The following SNORC variants were observed in gnomAD, a reference collection of about 807,000 sequenced individuals.
SNORC encodes protein SNORC.
SNORC carries 11 observed loss-of-function variants against 9.7 expected under a neutral mutation model. That is an observed-to-expected ratio of 1.14 (90% CI 0.72 to 1.88). SNORC has a LOEUF of 1.88. Ranked by LOEUF, SNORC falls within the 40% of genes most tolerant of loss-of-function variation. SNORC has a pLI of 0.00. For synonymous variants in SNORC, 108 were observed against 88.7 expected, an observed-to-expected ratio of 1.22 and a Z score of -1.22; for missense variants, 197 against 173.1, an observed-to-expected ratio of 1.14 and a Z score of -0.77.
At chr2:232,866,500 C>T (rs922906991), upstream of SNORC, among the ~76,000 whole-genome samples, 9 of 152,182 alleles carry the variant, frequency 5.9e-5, no homozygotes, top group Non-Finnish European at 1.3e-4. Flanking sequence ...TTTTGTGGAC[C>T]TGCACTCAAT....
At position 232,873,197 on chromosome 2, in the gene SNORC, G is replaced by A. The variant is rs371250514; in HGVS notation, c.74-2743G>A. 1.3e-4 allele frequency among the ~76,000 whole-genome samples: 20 copies of A among 152,338 alleles called. 1 individual carries two copies. In the South Asian group the frequency reaches 4.1e-3, roughly 32 times the overall value. On this transcript the variant is annotated intron_variant, in intron 1 of 2. Transcript: ENST00000331342. ...GCTTGACAGCATAGTCTGAACCCCCGTCTTACAGGTCAGGAAGGTGGATTG... is the reference window on the plus strand; with the variant it reads ...GCTTGACAGCATAGTCTGAACCCCCATCTTACAGGTCAGGAAGGTGGATTG...
At chr2:232,875,797 C>A in intron 1 of SNORC, 143 bp from the exon 2 acceptor site, 1 of 905,430 alleles carries the variant, frequency 1.1e-6, no homozygotes, top group Non-Finnish European at 1.6e-6. Context: ...GCTTCTTAGC[C>A]TGGGAAATGT....
At chr2:232,870,770 G>A (rs2106187907) in intron 1 of SNORC, among the ~76,000 whole-genome samples, 1 of 152,238 alleles carries the variant, frequency 6.6e-6, no homozygotes, top group African/African-American at 2.4e-5. Flanking sequence ...CACAGGACAA[G>A]CAGCTGAGGG....
chr2:232,868,460 G>T (rs371115645), upstream of SNORC, among the ~76,000 whole-genome samples: 9 of 152,212 alleles, frequency 5.9e-5, no homozygotes, highest in African/African-American at 1.9e-4. Flanking sequence ...CTGCCGCTTG[G>T]CCTCTGCTAC....
intron 1 of SNORC, 94 bp from the exon 2 acceptor site, chr2:232,875,846 G>GCGCTAC: frequency 7.5e-7 from 1 of 1,326,694 alleles, no homozygotes; most frequent in South Asian, 1.4e-5. Flanking sequence ...CCCTCACACA[G>GCGCTAC]CGCTACCGGC....
At chr2:232,876,731 G>A, downstream of SNORC, 1 of 986,502 alleles carries the variant, frequency 1.0e-6, no homozygotes. This position sits in a 1 kb window ranked among gnomAD's most constrained non-coding sequence, Gnocchi z 6.8. Context: ...GGGGCCGCCA[G>A]GGCATCGGAG....
At chr2:232,869,755 T>C (rs1175004282), upstream of SNORC, 1 of 159,034 alleles carries the variant, frequency 6.3e-6, no homozygotes, top group South Asian at 1.8e-4. Context: ...GGATCAAAAC[T>C]GCTTTAAAAG....
chr2:232,876,951 A>G (rs1221165666), downstream of SNORC: 8 of 985,294 alleles, frequency 8.1e-6, no homozygotes, highest in Non-Finnish European at 9.6e-6. The surrounding 1 kb of genome is among the most constrained non-coding windows in gnomAD (Gnocchi z 6.8). Context: ...AGAGGCCGAC[A>G]GAGACCCCGG....
chr2:232,873,776 C>T (rs914219473), intron 1 of SNORC, among the ~76,000 whole-genome samples: 1 of 152,210 alleles, frequency 6.6e-6, no homozygotes, highest in Non-Finnish European at 1.5e-5. Flanking sequence ...TGCAAGGCTG[C>T]AGACCCCTGC....
At chr2:232,867,764 T>C (rs1690905769), upstream of SNORC, among the ~76,000 whole-genome samples, 1 of 152,208 alleles carries the variant, frequency 6.6e-6, no homozygotes, top group African/African-American at 2.4e-5. Context: ...ACTTTCACTT[T>C]GGTAAACACA....
At position 232,876,127 on chromosome 2, in the gene SNORC, G is replaced by C. The variant is rs1574974993; in HGVS notation, c.256+5G>C. The C allele has an allele frequency of 6.7e-7, 1 of 1,492,832 alleles. No homozygotes were observed. Among genetic ancestry groups the C allele is most frequent in the Non-Finnish European group, 8.9e-7 (1 of 1,129,168 alleles). 92.5% of individuals were successfully genotyped at this position (1,492,832 alleles called of 1,614,324 possible). On this transcript the variant is annotated splice_donor_5th_base_variant and intron_variant, in intron 2 of 2. Coordinates refer to ENST00000331342, the Ensembl canonical transcript of SNORC. This position sits in a 1 kb window ranked among gnomAD's most constrained non-coding sequence, Gnocchi z 6.8. ...AGCGGCTGGACCAGGGCGGCGGTAC[G>C]GGCGGGGCGGGGGAGGGAGGGGAGA...
exon 2 of SNORC, chr2:232,875,978 G>A (rs1354317821): frequency 3.9e-6 from 6 of 1,553,842 alleles, no homozygotes; most frequent in South Asian, 1.2e-5. Context: ...GCTGTGGAAC[G>A]AGCCGGCCGA....
At chr2:232,876,509 G>A (rs1691253056), downstream of SNORC, 1 of 1,254,744 alleles carries the variant, frequency 8.0e-7, no homozygotes, top group African/African-American at 1.6e-5. The surrounding 1 kb of genome is among the most constrained non-coding windows in gnomAD (Gnocchi z 6.8). Context: ...GCGGGGCCGA[G>A]GGTGGGTGCC....
Position 232,875,937 on chromosome 2 carries a change from CA to C in SNORC, c.74-2del. ...GCCCCAGCACCTCTCCTTGGCTTTG[CA>C]GACGATGTTCCACAGGAGCCCGTGC... On this transcript the variant is annotated splice_acceptor_variant, in intron 1 of 2. Coordinates refer to ENST00000331342, the Ensembl canonical transcript of SNORC. LOFTEE classifies it high-confidence loss of function. 1 of 1,549,238 alleles carries C rather than the reference CA, an allele frequency of 6.5e-7. No individual in the cohort carries two copies. The highest frequency in any genetic ancestry group is 8.7e-7 in the Non-Finnish European group (1 of 1,148,608).
chr2:232,870,142 T>A (rs1266771469), upstream of SNORC: 8 of 614,042 alleles, frequency 1.3e-5, no homozygotes, highest in Non-Finnish European at 2.3e-5. Context: ...AAAGCAGGTC[T>A]GTTCTGTGAG....
In SNORC at chr2:232,876,119, G is replaced by A. The variant is rs753320240; in HGVS notation, c.253G>A (p.Gly85Ser). 4.0e-5 allele frequency: 60 copies of A among 1,495,258 alleles called. No individual in the cohort carries two copies. Among genetic ancestry groups the A allele is most frequent in the Non-Finnish European group, 5.0e-5 (57 of 1,130,528 alleles). The allele number at this position is 1,495,258 out of a possible 1,614,324, so 92.6% of individuals were successfully genotyped here. The stretch of plus-strand genomic sequence containing the variant: ...CGCGCAGGAGCGGCTGGACCAGGGC[G>A]GCGGTACGGGCGGGGCGGGGGAGGG... The change falls in exon 2 of 3, where the codon GGC becomes AGC. Residue 85 changes from glycine to serine, a missense_variant. Physicochemically the swap from Gly to Ser is moderately conservative, Grantham distance 56. Transcript: ENST00000331342. This position sits in a 1 kb window ranked among gnomAD's most constrained non-coding sequence, Gnocchi z 6.8.
At position 232,876,228 on chromosome 2, in the gene SNORC, GGTCCTCC is replaced by G. The variant is rs773239162; in HGVS notation, c.257-10_257-4del. On this transcript the variant is annotated splice_polypyrimidine_tract_variant and intron_variant, in intron 2 of 2. Coordinates refer to ENST00000331342, the Ensembl canonical transcript of SNORC. This position sits in a 1 kb window ranked among gnomAD's most constrained non-coding sequence, Gnocchi z 6.8. The stretch of plus-strand genomic sequence containing the variant: ...CCAGGCGGGGGCTAGCAGGTGACAT[GGTCCTCC>G]GTCCTCCGCAGGGTCGCTGGGGCCC... 67 of 1,496,376 alleles carry G rather than the reference GGTCCTCC, an allele frequency of 4.5e-5. No individual in the cohort carries two copies. Among genetic ancestry groups the G allele is most frequent in the Non-Finnish European group, 5.5e-5 (62 of 1,129,756 alleles). 92.7% of individuals were successfully genotyped at this position (1,496,376 alleles called of 1,614,324 possible). A position where few individuals can be genotyped will look rare whatever the true frequency, so the allele number is the denominator to read the frequency against.
chr2:232,876,422 C>A, downstream of SNORC: 1 of 1,458,062 alleles, frequency 6.9e-7, no homozygotes, highest in Non-Finnish European at 9.0e-7. This position sits in a 1 kb window ranked among gnomAD's most constrained non-coding sequence, Gnocchi z 6.8. Context: ...GCCTGTATGT[C>A]CGCGCGTGCG....
At chr2:232,870,668 G>A (rs1430775478) in intron 1 of SNORC, among the ~76,000 whole-genome samples, 2 of 152,156 alleles carry the variant, frequency 1.3e-5, no homozygotes, top group Admixed American at 1.3e-4. Context: ...GGCAGGCCCA[G>A]GGATGTTTTG....
Sources: allele counts gnomAD v4.1 joint callset (sites outside exome capture counted in the v4.1 genomes callset), GRCh38; gene constraint gnomAD v4.1.1; non-coding constraint Gnocchi (gnomAD v3.1); transcripts MANE v1.5; gene names NCBI Gene and HGNC (gene_info 2026-07-23, HGNC 2026-07-21).